The following UBE2Q2 variants were observed in gnomAD, a reference collection of about 807,000 sequenced individuals.
UBE2Q2 encodes ubiquitin-conjugating enzyme E2 Q2.
Under a neutral mutation model 59.9 loss-of-function variants are expected in UBE2Q2, and 54 were observed. The ratio of observed to expected loss-of-function variants is 0.90; its 90% CI spans 0.72 to 1.13. The LOEUF is 1.13. Ranked by LOEUF, UBE2Q2 falls within the 50% of genes most tolerant of loss-of-function variation. The pLI is 0.00. For synonymous variants in UBE2Q2, 165 were observed against 155.2 expected, an observed-to-expected ratio of 1.06 and a Z score of -0.47; for missense variants, 433 against 441.9, an observed-to-expected ratio of 0.98 and a Z score of 0.18.
intron 3 of UBE2Q2, among the ~76,000 whole-genome samples, chr15:75,867,121 G>T (rs1897533171): frequency 6.6e-6 from 1 of 152,340 alleles, no homozygotes; most frequent in Admixed American, 6.5e-5. Context: ...CCTATGGCAT[G>T]AGGATGGGGA....
At chr15:75,897,534 T>G (rs146713604) in intron 12 of UBE2Q2, among the ~76,000 whole-genome samples, 156 of 152,076 alleles carry the variant, frequency 1.0e-3, no homozygotes, top group Non-Finnish European at 1.9e-3. Flanking sequence ...AACATTGTAC[T>G]TCAGTCAAAA....
At chr15:75,881,987 AGAG>A (rs1268127485) in intron 8 of UBE2Q2, among the ~76,000 whole-genome samples, 3 of 152,146 alleles carry the variant, frequency 2.0e-5, no homozygotes, top group African/African-American at 7.2e-5. Flanking sequence ...GTGGATTTGG[AGAG>A]GAGAACATGA....
At chr15:75,857,599 C>T (rs952924363) in intron 2 of UBE2Q2, among the ~76,000 whole-genome samples, 1 of 152,144 alleles carries the variant, frequency 6.6e-6, no homozygotes, top group Admixed American at 6.5e-5. Flanking sequence ...AAACTAGCGG[C>T]TCCTCTCTTA....
intron 12 of UBE2Q2, 28 bp from the exon 13 acceptor site, chr15:75,899,399 T>C: frequency 6.5e-7 from 1 of 1,544,568 alleles, no homozygotes; most frequent in Non-Finnish European, 8.8e-7. Context: ...AGAATTATTT[T>C]AACTTTTTTT....
At chr15:75,885,899 G>A (rs1008871081) in intron 9 of UBE2Q2, among the ~76,000 whole-genome samples, 1 of 152,132 alleles carries the variant, frequency 6.6e-6, no homozygotes, top group Non-Finnish European at 1.5e-5. Context: ...AAAACCTCAT[G>A]ATCAGTTTTG....
intron 9 of UBE2Q2, among the ~76,000 whole-genome samples, chr15:75,890,133 C>G (rs1469811567): frequency 3.9e-5 from 6 of 152,104 alleles, no homozygotes; most frequent in African/African-American, 1.4e-4. Flanking sequence ...ATTCTTCTGC[C>G]CCTATTCTTT....
In UBE2Q2 at chr15:75,878,019, G is replaced by A; in HGVS notation, c.732G>A (p.Gln244=). ...TATATGACTGGCATGTTAAACTGCA[G>A]AAGTAAGTGGCTTTTTAATGCTCAC... is the stretch of plus-strand genomic sequence containing the variant. ...DSLYDWHVKL[Q]KVDPDSPLHS... Residue 244 remains glutamine, a splice_region_variant and synonymous_variant, in exon 7 of 13, where the codon CAG becomes CAA. Coordinates refer to ENST00000267938, the MANE Select transcript of UBE2Q2 (RefSeq NM_173469.4). 6.8e-6 allele frequency: 11 copies of A among 1,613,724 alleles called. No individual in the cohort carries two copies. Among genetic ancestry groups the A allele is most frequent in the Non-Finnish European group, 9.3e-6 (11 of 1,179,830 alleles).
intron 12 of UBE2Q2, among the ~76,000 whole-genome samples, chr15:75,898,892 C>T (rs1008608990): frequency 6.6e-6 from 1 of 152,096 alleles, no homozygotes; most frequent in African/African-American, 2.4e-5. Flanking sequence ...AACTCAGGTA[C>T]AATTTATTCA....
chr15:75,895,907 G>A (rs1457658112), intron 11 of UBE2Q2, among the ~76,000 whole-genome samples: 3 of 152,144 alleles, frequency 2.0e-5, no homozygotes, highest in Non-Finnish European at 2.9e-5. Flanking sequence ...GCAGATATAC[G>A]TACAAGGTTG....
chr15:75,869,113 T>A, intron 4 of UBE2Q2, 103 bp downstream of exon 4: 1 of 956,866 alleles, frequency 1.0e-6, no homozygotes. Context: ...GTGGAATAAT[T>A]GAAAGCACAT....
chr15:75,846,190 C>G (rs1896336152), intron 1 of UBE2Q2, among the ~76,000 whole-genome samples: 1 of 152,176 alleles, frequency 6.6e-6, no homozygotes, highest in Non-Finnish European at 1.5e-5. Flanking sequence ...ATCACTTCAT[C>G]TGTAAATATT....
At position 75,879,125 on chromosome 15, in the gene UBE2Q2, T is replaced by A. The variant is rs144579048; in HGVS notation, c.762T>A (p.Ser254Arg). ...TTGACCCTGATAGTCCTTTGCACAG[T>A]GATCTTCAGATCTTAAAAGAAAAAG... The part of the protein sequence containing the change: ...QKVDPDSPLH[S>R]DLQILKEKEG... Residue 254 changes from serine (S) to arginine (R), a missense_variant, in exon 8 of 13, where the codon AGT (serine) becomes AGA (arginine). Physicochemically the swap from Ser to Arg is moderately radical, Grantham distance 110 (BLOSUM62 -1). Transcript: ENST00000267938. 1,863 of 1,599,080 alleles carry A rather than the reference T, an allele frequency of 1.2e-3. 2 individuals are homozygous for A. The highest frequency in any genetic ancestry group is 1.5e-3 in the Non-Finnish European group (1,754 of 1,173,528).
intron 6 of UBE2Q2, among the ~76,000 whole-genome samples, 179 bp from the exon 7 acceptor site, chr15:75,877,782 C>G (rs1260106864): frequency 1.3e-5 from 2 of 152,140 alleles, no homozygotes; most frequent in East Asian, 3.8e-4. Context: ...CTGTAATTAT[C>G]TGTTAAGGGC....
chr15:75,861,974 T>C (rs1897228013), intron 3 of UBE2Q2, among the ~76,000 whole-genome samples: 1 of 152,182 alleles, frequency 6.6e-6, no homozygotes, highest in Non-Finnish European at 1.5e-5. Flanking sequence ...CATCTGGCCT[T>C]TCTCTCTGCA....
chr15:75,877,599 G>A (rs915697331), intron 6 of UBE2Q2, among the ~76,000 whole-genome samples: 3 of 152,180 alleles, frequency 2.0e-5, no homozygotes, highest in Non-Finnish European at 4.4e-5. Flanking sequence ...AGATGTCCCT[G>A]AAAGTTGAAG....
At chr15:75,890,889 G>A (rs1442768485) in intron 10 of UBE2Q2, 30 bp from the exon 11 acceptor site, 1 of 1,590,562 alleles carries the variant, frequency 6.3e-7, no homozygotes, top group Non-Finnish European at 8.6e-7. Context: ...AAATACTACT[G>A]TATTTTAGAG....
rs556040285 is a variant in UBE2Q2, at chr15:75,850,176, A to G, written c.181-4210A>G. ...AGTTTCCTGGCGTGGTGGATATTTT[A>G]TAATATGGAAAACAAAACCTTCTTA... On this transcript the variant is annotated intron_variant, in intron 1 of 12. Transcript: ENST00000267938. 2.6e-5 allele frequency among the ~76,000 whole-genome samples: 4 copies of G among 152,324 alleles called. No individual in the cohort carries two copies. The East Asian group carries it at 7.7e-4, about 29-fold the overall frequency.
chr15:75,896,961 C>T (rs775523500), intron 11 of UBE2Q2, 34 bp from the exon 12 acceptor site: 21 of 1,377,552 alleles, frequency 1.5e-5, no homozygotes, highest in Non-Finnish European at 2.0e-5. Context: ...CACCTAATTA[C>T]ACTTTTGATT....
chr15:75,852,117 T>G (rs1689093590), intron 1 of UBE2Q2, among the ~76,000 whole-genome samples: 1 of 152,150 alleles, frequency 6.6e-6, no homozygotes, highest in South Asian at 2.1e-4. Context: ...GCTCAAGTGA[T>G]CCTCCTGCCT....
Sources: gnomAD v4.1 joint callset for allele counts (sites outside exome capture counted in the v4.1 genomes callset) on GRCh38, gnomAD v4.1.1 for gene constraint, MANE v1.5 for transcripts, NCBI Gene and HGNC (gene_info 2026-07-23, HGNC 2026-07-21) for gene names.